The following FLACC1 variants were observed in gnomAD, a reference collection of about 807,000 sequenced individuals.
The protein encoded by FLACC1 is flagellum associated containing coiled-coil domains 1.
In FLACC1, 66 loss-of-function variants were observed where a neutral mutation model predicts 62.8. The observed-to-expected ratio is 1.05, with a 90% confidence interval of 0.86 to 1.29. FLACC1 has a LOEUF of 1.29. Ranked by LOEUF, FLACC1 falls within the 50% of genes most tolerant of loss-of-function variation. The pLI is 0.00. For missense variants in FLACC1, 452 were observed against 489.1 expected, an observed-to-expected ratio of 0.92 and a Z score of 0.71; for synonymous variants, 156 against 161.0, an observed-to-expected ratio of 0.97 and a Z score of 0.24.
intron 1 of FLACC1, among the ~76,000 whole-genome samples, chr2:201,353,559 G>A (rs1951066656): frequency 6.6e-6 from 1 of 152,124 alleles, no homozygotes; most frequent in South Asian, 2.1e-4. Flanking sequence ...TTTAAATGAT[G>A]TCAGTGGATA....
In FLACC1 at chr2:201,346,638, C is replaced by T. The variant is rs774443454; in HGVS notation, c.272G>A (p.Arg91Gln). Residue 91 changes from arginine (R) to glutamine (Q), a missense_variant, in exon 5 of 15, where the codon CGG becomes CAG. Physicochemically the swap from Arg to Gln is conservative, Grantham distance 43. Transcript: ENST00000392257. This position sits in a 1 kb window ranked among gnomAD's most constrained non-coding sequence, Gnocchi z 4.0. ...GGTGACAGAAATCTGTTCCCGATTC[C>T]GAACAAGTTGATAGCCAGGTGACAC... ...INVSPGYQLV[R>Q]NREQISVTLG... The T allele has an allele frequency of 2.9e-5, 47 of 1,614,080 alleles. No homozygotes were observed. The highest frequency in any genetic ancestry group is 5.5e-5 in the South Asian group (5 of 91,080).
chr2:201,336,443 A>G (rs1208617298), intron 7 of FLACC1, among the ~76,000 whole-genome samples: 4 of 152,080 alleles, frequency 2.6e-5, no homozygotes, highest in African/African-American at 9.7e-5. Flanking sequence ...TATCTTTGTT[A>G]TTGTGAATAG....
At chr2:201,347,770 A>G (rs113433851) in intron 4 of FLACC1, among the ~76,000 whole-genome samples, 1 of 152,214 alleles carries the variant, frequency 6.6e-6, no homozygotes, top group African/African-American at 2.4e-5. Flanking sequence ...CAGACCAGTA[A>G]AGGCTCCCAG....
chr2:201,338,177 T>G (rs1363642844), intron 7 of FLACC1, among the ~76,000 whole-genome samples: 1 of 152,256 alleles, frequency 6.6e-6, no homozygotes, highest in Non-Finnish European at 1.5e-5. Context: ...GTAAATGTTA[T>G]TGCCTTATTG....
upstream of FLACC1, among the ~76,000 whole-genome samples, chr2:201,359,809 A>C (rs1242023774): frequency 1.3e-5 from 2 of 152,170 alleles, no homozygotes; most frequent in African/African-American, 4.8e-5. Flanking sequence ...GATTAAAAGG[A>C]GGGAAATAAC....
intron 12 of FLACC1, among the ~76,000 whole-genome samples, chr2:201,291,355 A>T (rs1949730670): frequency 6.6e-6 from 1 of 152,216 alleles, no homozygotes. Context: ...AGACAGCAAC[A>T]TTTGCTGTTC....
intron 11 of FLACC1, among the ~76,000 whole-genome samples, chr2:201,305,613 T>A (rs933832366): frequency 3.9e-5 from 6 of 152,254 alleles, no homozygotes; most frequent in African/African-American, 1.4e-4. Flanking sequence ...TAAATCATGC[T>A]GCTATAAAGA....
chr2:201,299,188 T>C, intron 12 of FLACC1, 50 bp downstream of exon 12: 1 of 1,484,338 alleles, frequency 6.7e-7, no homozygotes, highest in Non-Finnish European at 9.3e-7. Flanking sequence ...GTTATTTTAT[T>C]GGTGTATTTG....
chr2:201,330,245 A>C (rs2125592580), intron 9 of FLACC1, among the ~76,000 whole-genome samples: 1 of 152,292 alleles, frequency 6.6e-6, no homozygotes, highest in Non-Finnish European at 1.5e-5. Context: ...TGTAATCACA[A>C]ACATATTTTT....
At chr2:201,324,068 T>C (rs1950458574) in intron 9 of FLACC1, among the ~76,000 whole-genome samples, 2 of 152,066 alleles carry the variant, frequency 1.3e-5, no homozygotes, top group Admixed American at 6.6e-5. Flanking sequence ...AATGACAGAA[T>C]GGATAACAAA....
In FLACC1 at chr2:201,350,759, G is replaced by T. The variant is rs777666808; in HGVS notation, c.137C>A (p.Pro46Gln). The T allele has an allele frequency of 1.9e-6, 3 of 1,613,526 alleles. No individual in the cohort carries two copies. The highest frequency in any genetic ancestry group is 3.3e-5 in the Admixed American group (2 of 60,012). The change falls in exon 3 of 15, where the codon CCA (proline) becomes CAA (glutamine). Residue 46 changes from proline to glutamine, a missense_variant. Pro to Gln is a moderately conservative substitution (Grantham distance 76). Transcript: ENST00000392257. ...SSKLTPLVPA[P>Q]KNHNYLQPTK... is the part of the protein sequence containing the mutation. ...TGGTTGGAGGTAATTGTGATTTTTTGGAGCTGGTACAAGAGGAGTTAGCCT... is the reference window on the plus strand; with the variant it reads ...TGGTTGGAGGTAATTGTGATTTTTTTGAGCTGGTACAAGAGGAGTTAGCCT...
chr2:201,306,010 C>G (rs1950097330), intron 11 of FLACC1, among the ~76,000 whole-genome samples: 1 of 151,240 alleles, frequency 6.6e-6, no homozygotes, highest in South Asian at 2.1e-4. Flanking sequence ...GTGCAGCACA[C>G]CAACATGGCA....
At chr2:201,291,826 C>T (rs528912960) in intron 12 of FLACC1, among the ~76,000 whole-genome samples, 1 of 152,204 alleles carries the variant, frequency 6.6e-6, no homozygotes, top group East Asian at 1.9e-4. Flanking sequence ...CAGAGAAGTC[C>T]TTAAAGGACC....
intron 12 of FLACC1, among the ~76,000 whole-genome samples, chr2:201,293,849 G>A (rs1293787773): frequency 1.3e-5 from 2 of 151,574 alleles, no homozygotes; most frequent in African/African-American, 2.4e-5. Context: ...TATCACCACC[G>A]ATCCCACAGA....
At chr2:201,320,455 G>A (rs1217155972) in intron 9 of FLACC1, among the ~76,000 whole-genome samples, 1 of 152,244 alleles carries the variant, frequency 6.6e-6, no homozygotes, top group African/African-American at 2.4e-5. Flanking sequence ...CAAGTTCTGA[G>A]TGCAGGCTAA....
rs1178637982 is a variant in FLACC1, at chr2:201,346,294, A to G, written c.368+248T>C. On this transcript the variant is annotated intron_variant, in intron 5 of 14. Coordinates refer to ENST00000392257, the MANE Select transcript of FLACC1 (RefSeq NM_001127391.3). This position sits in a 1 kb window ranked among gnomAD's most constrained non-coding sequence, Gnocchi z 4.0. ...CGAACAATTGCTATCCTTTGGGATC[A>G]ATCACATAACTCCCAATCTTCATCC... Among the ~76,000 whole-genome samples the G allele has an allele frequency of 1.3e-5, 2 of 152,228 alleles. No homozygotes were observed. Among genetic ancestry groups the G allele is most frequent in the African/African-American group, 4.8e-5 (2 of 41,452 alleles).
At chr2:201,321,551 G>A (rs576319267) in intron 9 of FLACC1, among the ~76,000 whole-genome samples, 8 of 152,286 alleles carry the variant, frequency 5.3e-5, no homozygotes, top group African/African-American at 1.9e-4. Context: ...AGCTTGGTGT[G>A]AGTGCAACTA....
intron 11 of FLACC1, among the ~76,000 whole-genome samples, chr2:201,303,366 C>G (rs1042315713): frequency 1.3e-5 from 2 of 152,102 alleles, no homozygotes; most frequent in Non-Finnish European, 2.9e-5. Flanking sequence ...TACACCCTCC[C>G]AAGACTTAAC....
chr2:201,299,530 T>C (rs1268888464), intron 11 of FLACC1, among the ~76,000 whole-genome samples: 1 of 152,194 alleles, frequency 6.6e-6, no homozygotes, highest in East Asian at 1.9e-4. Flanking sequence ...TATATTTTCA[T>C]CAAAAGCTTT....
Sources: gnomAD v4.1 joint callset for allele counts (sites outside exome capture counted in the v4.1 genomes callset) on GRCh38, gnomAD v4.1.1 for gene constraint, Gnocchi (gnomAD v3.1) non-coding constraint, MANE v1.5 for transcripts, NCBI Gene and HGNC (gene_info 2026-07-23, HGNC 2026-07-21) for gene names.